BLTP2: variants seen among roughly 807,000 people sequenced by gnomAD.
The protein encoded by BLTP2 is bridge-like lipid transfer protein family member 2, also known as U937-associated antigen.
At chr17:28,630,931 AG>A in the BLTP2 span, among the ~76,000 whole-genome samples, 25 of 152,266 alleles carry the variant, frequency 1.6e-4, no homozygotes, top group Non-Finnish European at 3.1e-4. Flanking sequence ...TAGGAGAGAA[AG>A]AAAAAGTATT....
At chr17:28,625,351 A>AG in the BLTP2 span, among the ~76,000 whole-genome samples, 1 of 150,300 alleles carries the variant, frequency 6.7e-6, no homozygotes, top group African/African-American at 2.4e-5. Context: ...AAAAAAAAAA[A>AG]AAAAAAAGAA....
chr17:28,631,616 G>T, the BLTP2 span: 2 of 1,614,094 alleles, frequency 1.2e-6, no homozygotes, highest in Non-Finnish European at 8.5e-7. Context: ...ACGGTCACCT[G>T]ACTTAGGTCA....
At chr17:28,637,945 C>T in the BLTP2 span, 10 of 1,614,214 alleles carry the variant, frequency 6.2e-6, no homozygotes, top group Admixed American at 1.7e-5. Flanking sequence ...CAGCTGACTT[C>T]CCAGATTGTG....
At chr17:28,633,601 C>T in the BLTP2 span, 1 of 1,614,098 alleles carries the variant, frequency 6.2e-7, no homozygotes, top group South Asian at 1.1e-5. Flanking sequence ...GTGCCAGTCT[C>T]CATGGAACAG....
chr17:28,634,803 G>A, the BLTP2 span: 2 of 1,613,866 alleles, frequency 1.2e-6, no homozygotes, highest in Admixed American at 1.7e-5. Flanking sequence ...CAATTTTGCG[G>A]GCAGGCAACA....
chr17:28,617,836 C>T, the BLTP2 span, among the ~76,000 whole-genome samples: 2 of 151,240 alleles, frequency 1.3e-5, no homozygotes, highest in African/African-American at 2.4e-5. Flanking sequence ...CTTGGCTCAC[C>T]GCAACATCCA....
At chr17:28,643,423 G>A in the BLTP2 span, 12 of 1,471,646 alleles carry the variant, frequency 8.2e-6, no homozygotes, top group East Asian at 1.8e-4. Flanking sequence ...TCAAATCACA[G>A]AGATTAGTTT....
chr17:28,633,321 G>A, the BLTP2 span: 1 of 1,613,822 alleles, frequency 6.2e-7, no homozygotes, highest in South Asian at 1.1e-5. Context: ...AGTCACCCTT[G>A]AACACAAACT....
the BLTP2 span, chr17:28,642,427 G>T: frequency 1.1e-6 from 1 of 947,454 alleles, no homozygotes; most frequent in Non-Finnish European, 1.7e-6. Flanking sequence ...CAAGGTGGGA[G>T]GATCATGAGG....
the BLTP2 span, chr17:28,636,913 T>A: frequency 1.5e-6 from 2 of 1,362,872 alleles, no homozygotes; most frequent in Non-Finnish European, 2.1e-6. Flanking sequence ...AGAGAAAGGC[T>A]CTAAGCTGAG....
the BLTP2 span, chr17:28,634,479 C>T: frequency 1.8e-5 from 28 of 1,574,868 alleles, no homozygotes; most frequent in South Asian, 3.2e-4. Flanking sequence ...GCTCAGCGGG[C>T]AAACACGGGG....
the BLTP2 span, among the ~76,000 whole-genome samples, chr17:28,624,715 T>C: frequency 1.3e-5 from 2 of 152,208 alleles, no homozygotes; most frequent in African/African-American, 4.8e-5. Context: ...TTCATATTAT[T>C]TTACATGTTA....
At chr17:28,638,310 T>C in the BLTP2 span, 1 of 1,613,536 alleles carries the variant, frequency 6.2e-7, no homozygotes, top group Non-Finnish European at 8.5e-7. Context: ...ATTGGGTGGG[T>C]GTGGCGCCCG....
chr17:28,627,789 G>A, the BLTP2 span, among the ~76,000 whole-genome samples: 1 of 151,960 alleles, frequency 6.6e-6, no homozygotes, highest in Non-Finnish European at 1.5e-5. Flanking sequence ...CGAGTAGCTG[G>A]GATTACAGGT....
the BLTP2 span, chr17:28,633,803 T>C: frequency 6.2e-6 from 10 of 1,601,110 alleles, no homozygotes; most frequent in Non-Finnish European, 8.5e-6. Context: ...ACCCCTCTCT[T>C]CCTCCTTCAC....
At chr17:28,642,353 T>C in the BLTP2 span, 1 of 1,613,538 alleles carries the variant, frequency 6.2e-7, no homozygotes, top group Non-Finnish European at 8.5e-7. Flanking sequence ...AGGAAAAAAA[T>C]TAAGAGCACT....
chr17:28,629,787 G>C, the BLTP2 span, among the ~76,000 whole-genome samples: 2 of 151,788 alleles, frequency 1.3e-5, no homozygotes, highest in Non-Finnish European at 2.9e-5. Flanking sequence ...CCTAATTTTT[G>C]TATTTTTAGT....
chr17:28,627,695 G>A, the BLTP2 span, among the ~76,000 whole-genome samples: 3 of 150,488 alleles, frequency 2.0e-5, no homozygotes, highest in African/African-American at 4.9e-5. Flanking sequence ...CACTGCGCCC[G>A]GCCCCATATT....
At chr17:28,637,282 C>T in the BLTP2 span, 1 of 826,054 alleles carries the variant, frequency 1.2e-6, no homozygotes, top group Non-Finnish European at 2.0e-6. Flanking sequence ...TCATGCCTCC[C>T]TAAGTTCATT....
Sources: gnomAD v4.1 joint callset for allele counts (sites outside exome capture counted in the v4.1 genomes callset) on GRCh38, gnomAD v4.1.1 for gene constraint, MANE v1.5 for transcripts, NCBI Gene and HGNC (gene_info 2026-07-23, HGNC 2026-07-21) for gene names.